Variants in SGCZ observed in about 807,000 individuals in gnomAD.
SGCZ encodes the protein sarcoglycan zeta, also known as zeta-sarcoglycan.
In SGCZ, 40 loss-of-function variants were observed where a neutral mutation model predicts 41.3. The ratio of observed to expected loss-of-function variants is 0.97; its 90% CI spans 0.75 to 1.26. The LOEUF is 1.26. Ranked by LOEUF, SGCZ falls within the 50% of genes most tolerant of loss-of-function variation. The pLI is 0.00. For missense variants in SGCZ, 552 were observed against 369.8 expected (o/e 1.49, Z -4.04); for synonymous variants, 206 against 137.5 (o/e 1.50, Z -3.49).
chr8:14,327,206 G>C (rs981459227), intron 2 of SGCZ, among the ~76,000 whole-genome samples: 5 of 152,130 alleles, frequency 3.3e-5, no homozygotes, highest in Admixed American at 6.6e-5. Flanking sequence ...TTTGGATTTG[G>C]AGATCTTGAA....
intron 2 of SGCZ, among the ~76,000 whole-genome samples, chr8:14,457,412 T>A (rs1212426519): frequency 6.6e-6 from 1 of 152,184 alleles, no homozygotes; most frequent in African/African-American, 2.4e-5. Context: ...CAACACCCGC[T>A]ACTTAGCAGA....
intron 1 of SGCZ, among the ~76,000 whole-genome samples, chr8:15,166,953 T>A (rs772847224): frequency 1.3e-5 from 2 of 152,196 alleles, no homozygotes; most frequent in African/African-American, 4.8e-5. Flanking sequence ...CTAAATGGAC[T>A]GAACTCAGGA....
intron 3 of SGCZ, among the ~76,000 whole-genome samples, chr8:14,296,362 T>C (rs997582660): frequency 6.6e-6 from 1 of 152,138 alleles, no homozygotes; most frequent in Non-Finnish European, 1.5e-5. Flanking sequence ...GTATAAGAAA[T>C]ACTGAGGAAA....
chr8:14,549,747 A>T (rs1470760001), intron 2 of SGCZ, among the ~76,000 whole-genome samples: 1 of 152,118 alleles, frequency 6.6e-6, no homozygotes, highest in Non-Finnish European at 1.5e-5. Flanking sequence ...TTGAATACAG[A>T]CATATATGAA....
intron 1 of SGCZ, among the ~76,000 whole-genome samples, chr8:15,027,921 TA>T (rs1317001665): frequency 2.0e-5 from 3 of 152,092 alleles, no homozygotes; most frequent in East Asian, 1.9e-4. Flanking sequence ...TATTCCTCAT[TA>T]AAAAACCTAT....
chr8:14,535,728 G>C (rs1451425114), intron 2 of SGCZ, among the ~76,000 whole-genome samples: 1 of 151,806 alleles, frequency 6.6e-6, no homozygotes, highest in Non-Finnish European at 1.5e-5. Context: ...TTATTAAGAG[G>C]AGTGACACTA....
intron 1 of SGCZ, among the ~76,000 whole-genome samples, chr8:15,138,439 T>A (rs2116990280): frequency 6.6e-6 from 1 of 152,192 alleles, no homozygotes; most frequent in East Asian, 1.9e-4. Context: ...AAGGGCAGAA[T>A]AATATGGTTG....
chr8:14,309,366 C>T, intron 3 of SGCZ: 1 of 1,604,562 alleles, frequency 6.2e-7, no homozygotes, highest in East Asian at 2.2e-5. Flanking sequence ...TGGCTAATTA[C>T]ATTGAACAGT....
At chr8:14,388,539 C>G (rs1050742114) in intron 2 of SGCZ, among the ~76,000 whole-genome samples, 2 of 151,892 alleles carry the variant, frequency 1.3e-5, no homozygotes, top group African/African-American at 4.8e-5. Context: ...ATTCACTGGT[C>G]TCAGCAACGA....
At chr8:14,755,823 G>C (rs181470237) in intron 1 of SGCZ, among the ~76,000 whole-genome samples, 1 of 151,498 alleles carries the variant, frequency 6.6e-6, no homozygotes, top group Non-Finnish European at 1.5e-5. Flanking sequence ...TGTAAAACAG[G>C]CACTATGCCA....
At chr8:14,508,608 G>A (rs1358698600) in intron 2 of SGCZ, among the ~76,000 whole-genome samples, 1 of 152,084 alleles carries the variant, frequency 6.6e-6, no homozygotes, top group African/African-American at 2.4e-5. Context: ...ATGTGCCTTG[G>A]TGGGTCACTA....
intron 2 of SGCZ, among the ~76,000 whole-genome samples, chr8:14,460,022 G>C (rs1800857304): frequency 6.6e-6 from 1 of 152,094 alleles, no homozygotes; most frequent in Admixed American, 6.6e-5. Context: ...AGAGACCTTA[G>C]TGGGTTAAGT....
chr8:15,226,863 A>G (rs971930000), intron 1 of SGCZ, among the ~76,000 whole-genome samples: 2 of 152,220 alleles, frequency 1.3e-5, no homozygotes, highest in African/African-American at 4.8e-5. Flanking sequence ...GATGGTCTTA[A>G]TGACCAGTTG....
At chr8:14,495,832 T>G (rs151308328) in intron 2 of SGCZ, among the ~76,000 whole-genome samples, 16 of 152,140 alleles carry the variant, frequency 1.1e-4, no homozygotes, top group African/African-American at 3.9e-4. Context: ...GGGCCTAAAG[T>G]TTCAGGGGAC....
intron 1 of SGCZ, among the ~76,000 whole-genome samples, chr8:14,620,444 C>G (rs1192990021): frequency 6.6e-6 from 1 of 152,014 alleles, no homozygotes; most frequent in Non-Finnish European, 1.5e-5. Flanking sequence ...CAAATGGGAT[C>G]TAATTAAACT....
chr8:14,680,262 G>A (rs1193795849), intron 1 of SGCZ, among the ~76,000 whole-genome samples: 1 of 152,104 alleles, frequency 6.6e-6, no homozygotes, highest in Non-Finnish European at 1.5e-5. Context: ...TCTGTATGAT[G>A]CTATAATGGT....
intron 2 of SGCZ, among the ~76,000 whole-genome samples, chr8:14,382,559 A>T (rs894342041): frequency 1.3e-5 from 2 of 152,142 alleles, no homozygotes; most frequent in Non-Finnish European, 1.5e-5. Flanking sequence ...CTCACATAGG[A>T]CCCTTAAAGT....
intron 1 of SGCZ, among the ~76,000 whole-genome samples, chr8:15,227,472 A>C (rs910471830): frequency 6.6e-6 from 1 of 152,222 alleles, no homozygotes; most frequent in Admixed American, 6.5e-5. Flanking sequence ...CTTATAATGT[A>C]AACTTTAGAC....
chr8:15,172,164 T>TATTTATTTATTTTA (rs10643012), intron 1 of SGCZ, among the ~76,000 whole-genome samples: 3 of 108,568 alleles, frequency 2.8e-5, no homozygotes, highest in Non-Finnish European at 2.0e-5. Flanking sequence ...GTTTTTTTTT[T>TATTTATTTATTTTA]TTTTTTTTTT....
Sources: allele counts gnomAD v4.1 joint callset (sites outside exome capture counted in the v4.1 genomes callset), GRCh38; gene constraint gnomAD v4.1.1; transcripts MANE v1.5; gene names NCBI Gene and HGNC (gene_info 2026-07-23, HGNC 2026-07-21).